Variants in PTPRD observed in about 807,000 individuals in gnomAD.
The protein encoded by PTPRD is protein tyrosine phosphatase receptor type D, also known as receptor-type tyrosine-protein phosphatase delta.
PTPRD carries 34 observed loss-of-function variants against 214.5 expected under a neutral mutation model. That is an observed-to-expected ratio of 0.16 (90% CI 0.12 to 0.21). The LOEUF (loss-of-function observed/expected upper bound fraction) is 0.21. Among genes scored for constraint, PTPRD ranks in the 10% least tolerant of loss-of-function variants. The pLI, the probability that PTPRD is intolerant of heterozygous loss-of-function variation, is 1.00. For missense variants in PTPRD, 2,545 were observed against 2,398.7 expected (o/e 1.06, Z -1.27); for synonymous variants, 1,128 against 845.7 (o/e 1.33, Z -5.79).
chr9:8,351,742 T>TAAAAAA lies in PTPRD; in HGVS notation c.4662-9770_4662-9765dup, dbSNP rs71317359. Among the ~76,000 whole-genome samples, 108 of 68,524 alleles carry TAAAAAA rather than the reference T, an allele frequency of 1.6e-3. 5 individuals are homozygous for TAAAAAA. The highest frequency in any genetic ancestry group is 6.9e-3 in the African/African-American group (95 of 13,672). 45.0% of individuals were successfully genotyped at this position (68,524 alleles called of 152,430 possible). ...AGAGAGGAGACTGCTTGGCAAAGAG[T>TAAAAAA]AAAAAAAAAAAAAAAAAAAAAAAAA... On this transcript the variant is annotated intron_variant, in intron 39 of 45. Transcript: ENST00000381196.
intron 3 of PTPRD, among the ~76,000 whole-genome samples, chr9:10,244,476 C>G (rs1330995527): frequency 6.6e-6 from 1 of 152,102 alleles, no homozygotes; most frequent in Non-Finnish European, 1.5e-5. Context: ...TCTGTGGACA[C>G]TGAAGAGATA....
At chr9:9,043,566 G>A (rs12003416) in intron 10 of PTPRD, among the ~76,000 whole-genome samples, 1 of 152,162 alleles carries the variant, frequency 6.6e-6, no homozygotes, top group Admixed American at 6.6e-5. Context: ...AAAGAAAAAT[G>A]GTCTGACTTT....
At chr9:8,717,031 G>T (rs1312115822) in intron 12 of PTPRD, among the ~76,000 whole-genome samples, 1 of 152,190 alleles carries the variant, frequency 6.6e-6, no homozygotes, top group African/African-American at 2.4e-5. Flanking sequence ...AACCAGGCAT[G>T]GTGGCATGTG....
intron 8 of PTPRD, among the ~76,000 whole-genome samples, chr9:9,472,015 T>A (rs2094624307): frequency 6.6e-6 from 1 of 152,270 alleles, no homozygotes; most frequent in East Asian, 1.9e-4. Context: ...GACCATTACC[T>A]ACTTATGTAT....
chr9:9,489,445 C>T (rs1576794), intron 8 of PTPRD, among the ~76,000 whole-genome samples: 88,256 of 151,946 alleles, frequency 0.58, 25,803 homozygotes, highest in East Asian at 0.68. Flanking sequence ...AGCTTGATGA[C>T]ACATCTACTA....
intron 7 of PTPRD, among the ~76,000 whole-genome samples, chr9:9,619,613 C>A (rs2095114766): frequency 7.0e-6 from 1 of 143,326 alleles, no homozygotes. Flanking sequence ...ATACAAATAT[C>A]TATATATAAT....
chr9:8,600,089 T>C (rs2094746129), intron 14 of PTPRD, among the ~76,000 whole-genome samples: 2 of 152,164 alleles, frequency 1.3e-5, no homozygotes, highest in Admixed American at 6.5e-5. Flanking sequence ...GGAATCTATG[T>C]GCTTGGGATG....
At chr9:8,704,485 C>G (rs1370371650) in intron 12 of PTPRD, among the ~76,000 whole-genome samples, 1 of 152,094 alleles carries the variant, frequency 6.6e-6, no homozygotes, top group African/African-American at 2.4e-5. Context: ...AGTTTGAGTC[C>G]TAGCTCATTA....
chr9:9,713,509 TA>T (rs2097770298), intron 7 of PTPRD, among the ~76,000 whole-genome samples: 1 of 152,162 alleles, frequency 6.6e-6, no homozygotes, highest in Non-Finnish European at 1.5e-5. Context: ...AACAACAGAT[TA>T]TGCCAAGTGC....
chr9:9,389,499 C>G (rs530741073), intron 9 of PTPRD, among the ~76,000 whole-genome samples: 22 of 152,104 alleles, frequency 1.4e-4, no homozygotes, highest in Admixed American at 5.9e-4. Context: ...CATTCCAACT[C>G]CATCTCAAAA....
chr9:8,472,244 C>T (rs761310357), intron 30 of PTPRD, among the ~76,000 whole-genome samples: 6 of 152,118 alleles, frequency 3.9e-5, no homozygotes, highest in South Asian at 2.1e-4. Flanking sequence ...CCATACACTT[C>T]GTGGAGATTT....
At chr9:10,583,383 G>A (rs1185886397) in intron 2 of PTPRD, among the ~76,000 whole-genome samples, 2 of 151,984 alleles carry the variant, frequency 1.3e-5, no homozygotes. Flanking sequence ...AGGATATTGG[G>A]CTCTTGAGAC....
Position 8,492,908 on chromosome 9 carries a change from T to C in PTPRD, c.2421A>G (p.Gly807=), listed in dbSNP as rs529800763. The C allele has an allele frequency of 1.9e-5, 30 of 1,613,898 alleles. No individual in the cohort carries two copies. The South Asian group carries it at 2.9e-4, about 15-fold the overall frequency. ...GTTTGGGCTTGCTGCGAGCACCATC[T>C]CCTTTGGTTGTGTAGGCTGTGACGG... ...SLTVTAYTTK[G]DGARSKPKLV... The change falls in exon 27 of 46, where the codon GGA becomes GGG. Residue 807 remains glycine, a synonymous_variant. Transcript: ENST00000381196.
chr9:10,043,283 A>C (rs903000432), intron 3 of PTPRD, among the ~76,000 whole-genome samples: 1 of 151,972 alleles, frequency 6.6e-6, no homozygotes, highest in Non-Finnish European at 1.5e-5. Context: ...AAAGTGAATA[A>C]AATCACATGG....
At chr9:10,563,196 G>A (rs1270917008) in intron 2 of PTPRD, among the ~76,000 whole-genome samples, 1 of 152,082 alleles carries the variant, frequency 6.6e-6, no homozygotes, top group African/African-American at 2.4e-5. Context: ...CCTGGGTTTG[G>A]TCACATGACT....
intron 14 of PTPRD, among the ~76,000 whole-genome samples, chr9:8,606,388 T>C (rs962399464): frequency 6.6e-6 from 1 of 152,172 alleles, no homozygotes; most frequent in African/African-American, 2.4e-5. Flanking sequence ...ATCAATTACC[T>C]GTGAATAGCA....
At chr9:8,871,465 A>C (rs1355850180) in intron 11 of PTPRD, among the ~76,000 whole-genome samples, 1 of 152,208 alleles carries the variant, frequency 6.6e-6, no homozygotes, top group Non-Finnish European at 1.5e-5. Context: ...AGGAAGGAAC[A>C]GAGTTCCTGT....
intron 10 of PTPRD, among the ~76,000 whole-genome samples, chr9:9,038,512 T>TG (rs1433280934): frequency 2.7e-5 from 4 of 150,652 alleles, no homozygotes; most frequent in Admixed American, 2.0e-4. Context: ...TCACTTTAAG[T>TG]GGGGGGCTAA....
chr9:9,456,364 G>A (rs143177415), intron 8 of PTPRD, among the ~76,000 whole-genome samples: 511 of 151,888 alleles, frequency 3.4e-3, no homozygotes, highest in African/African-American at 0.011. Flanking sequence ...CAGATAAACC[G>A]TACAGATTGC....
Sources: allele counts gnomAD v4.1 joint callset (sites outside exome capture counted in the v4.1 genomes callset), GRCh38; gene constraint gnomAD v4.1.1; transcripts MANE v1.5; gene names NCBI Gene and HGNC (gene_info 2026-07-23, HGNC 2026-07-21).